ADAMTS17: variants seen among roughly 807,000 people sequenced by gnomAD.
The protein encoded by ADAMTS17 is ADAM metallopeptidase with thrombospondin type 1 motif 17.
In ADAMTS17, 113 loss-of-function variants were observed where a neutral mutation model predicts 141.5. The ratio of observed to expected loss-of-function variants is 0.80; its 90% CI spans 0.69 to 0.93. ADAMTS17 has a LOEUF of 0.93. Among genes scored for constraint, ADAMTS17 ranks in the 40% least tolerant of loss-of-function variants. ADAMTS17 has a pLI of 0.00. For synonymous variants in ADAMTS17, 768 were observed against 630.6 expected (o/e 1.22, Z -3.27); for missense variants, 1,659 against 1,517.9 (o/e 1.09, Z -1.54).
chr15:100,284,104 TAAACAAACAAAC>T lies in ADAMTS17; in HGVS notation c.617-2715_617-2704del, dbSNP rs150137293. Among the ~76,000 whole-genome samples the T allele has an allele frequency of 3.5e-4, 53 of 151,428 alleles. No homozygotes were observed. In the South Asian group the frequency reaches 4.4e-3, roughly 13 times the overall value. On this transcript the variant is annotated intron_variant, in intron 3 of 21. Transcript: ENST00000268070. Reference sequence around the variant, plus strand: ...TGGGCGACAGAGCAAGATTCCATCTTAAACAAACAAACAAACAAACAAACAAACAAAAAATCC... The same window carrying T: ...TGGGCGACAGAGCAAGATTCCATCTTAAACAAACAAACAAACAAAAAATCC...
At chr15:100,316,550 G>A (rs2045572400) in intron 3 of ADAMTS17, among the ~76,000 whole-genome samples, 2 of 152,016 alleles carry the variant, frequency 1.3e-5, no homozygotes, top group African/African-American at 4.8e-5. Context: ...ATTTTCCTCT[G>A]CCCTGTCTCT....
At chr15:100,147,442 C>T (rs557393653) in intron 10 of ADAMTS17, among the ~76,000 whole-genome samples, 1 of 152,288 alleles carries the variant, frequency 6.6e-6, no homozygotes, top group African/African-American at 2.4e-5. Context: ...GTGGTGTAGC[C>T]TATTGCTCCT....
chr15:100,116,814 G>T (rs750358964), intron 13 of ADAMTS17, 33 bp downstream of exon 13: 2 of 1,613,736 alleles, frequency 1.2e-6, no homozygotes, highest in African/African-American at 2.7e-5. Context: ...AGGACAGGAG[G>T]CTGCCATGCA....
At chr15:100,032,749 A>G (rs2622530) in intron 18 of ADAMTS17, among the ~76,000 whole-genome samples, 29,642 of 152,218 alleles carry the variant, frequency 0.19, 8,407 homozygotes, top group African/African-American at 0.63. Flanking sequence ...ATTGTTTTGC[A>G]TTCTGTTACC....
chr15:100,230,426 G>A (rs1424756304), intron 7 of ADAMTS17, among the ~76,000 whole-genome samples: 1 of 152,172 alleles, frequency 6.6e-6, no homozygotes, highest in Non-Finnish European at 1.5e-5. Flanking sequence ...CCATGCCATA[G>A]ACACACGAGC....
At chr15:100,171,071 G>A (rs2040141487) in intron 8 of ADAMTS17, among the ~76,000 whole-genome samples, 2 of 152,078 alleles carry the variant, frequency 1.3e-5, no homozygotes, top group Admixed American at 1.3e-4. Flanking sequence ...ATTTTAATGG[G>A]CAGTAGGAAC....
intron 10 of ADAMTS17, among the ~76,000 whole-genome samples, chr15:100,147,678 C>A (rs1325328323): frequency 1.3e-5 from 2 of 152,204 alleles, no homozygotes; most frequent in Non-Finnish European, 2.9e-5. Context: ...CATGATGAGG[C>A]GTATGACTGT....
chr15:100,052,408 A>G (rs1321791812), intron 16 of ADAMTS17, among the ~76,000 whole-genome samples: 1 of 152,254 alleles, frequency 6.6e-6, no homozygotes, highest in African/African-American at 2.4e-5. Flanking sequence ...TTTGAAAGAA[A>G]AGCCATCAAT....
chr15:100,207,344 C>A (rs1437252842), intron 7 of ADAMTS17, among the ~76,000 whole-genome samples: 1 of 152,154 alleles, frequency 6.6e-6, no homozygotes, highest in Non-Finnish European at 1.5e-5. Flanking sequence ...AGCTTCCAGA[C>A]CCATAAGGAA....
At chr15:100,224,797 CG>C (rs1407541652) in intron 7 of ADAMTS17, among the ~76,000 whole-genome samples, 1 of 152,240 alleles carries the variant, frequency 6.6e-6, no homozygotes, top group Non-Finnish European at 1.5e-5. Context: ...AGAGAGCCTC[CG>C]GGGCCAACCC....
At chr15:100,010,285 C>T (rs1363106506) in intron 18 of ADAMTS17, among the ~76,000 whole-genome samples, 1 of 152,192 alleles carries the variant, frequency 6.6e-6, no homozygotes, top group Admixed American at 6.5e-5. Context: ...ACCCATAAAT[C>T]AGGGGCAAGA....
At chr15:100,086,405 T>C (rs1291170178) in intron 15 of ADAMTS17, among the ~76,000 whole-genome samples, 2 of 151,582 alleles carry the variant, frequency 1.3e-5, no homozygotes, top group African/African-American at 2.4e-5. Context: ...TGGGAGACTT[T>C]AACACCCCAC....
In ADAMTS17 at chr15:100,135,131, G is replaced by A. The variant is rs532952639; in HGVS notation, c.1474-1816C>T. 8.5e-5 allele frequency among the ~76,000 whole-genome samples: 13 copies of A among 152,226 alleles called. No homozygotes were observed. The South Asian group carries it at 2.5e-3, about 29-fold the overall frequency. On this transcript the variant is annotated intron_variant, in intron 10 of 21. Coordinates refer to ENST00000268070, the MANE Select transcript of ADAMTS17 (RefSeq NM_139057.4). ...AGGAAGAAGGTGGTGTCAACTGTTC[G>A]TTATGGATTTTATAGACAGGGCTTT...
intron 17 of ADAMTS17, 30 bp from the exon 18 acceptor site, chr15:100,049,022 A>ACTGTGG: frequency 6.2e-7 from 1 of 1,614,062 alleles, no homozygotes; most frequent in Non-Finnish European, 8.5e-7. Context: ...GAGCTGAGAG[A>ACTGTGG]CTGTGGCTGC....
chr15:100,131,915 G>C (rs889638801), intron 12 of ADAMTS17, 92 bp downstream of exon 12: 1 of 1,589,424 alleles, frequency 6.3e-7, no homozygotes, highest in African/African-American at 1.3e-5. Context: ...TGCTCAGCGG[G>C]AGACAGACCC....
At chr15:100,219,864 T>A (rs1016634420) in intron 7 of ADAMTS17, among the ~76,000 whole-genome samples, 2 of 152,204 alleles carry the variant, frequency 1.3e-5, no homozygotes, top group Admixed American at 6.5e-5. Flanking sequence ...TTTTCTTCCT[T>A]TAATCCTTTC....
At chr15:100,150,564 A>C (rs532652555) in intron 10 of ADAMTS17, among the ~76,000 whole-genome samples, 38 of 152,196 alleles carry the variant, frequency 2.5e-4, no homozygotes, top group Non-Finnish European at 4.9e-4. Context: ...AGTCCCCAGT[A>C]CAAGTGCCTT....
chr15:100,116,179 T>C (rs933812566), intron 13 of ADAMTS17, among the ~76,000 whole-genome samples: 1 of 132,502 alleles, frequency 7.5e-6, no homozygotes, highest in African/African-American at 3.0e-5. Flanking sequence ...CTGAAGCGGG[T>C]CCTGGGGTGT....
intron 15 of ADAMTS17, among the ~76,000 whole-genome samples, chr15:100,082,845 G>T (rs796319998): frequency 4.7e-5 from 7 of 149,624 alleles, no homozygotes; most frequent in African/African-American, 1.7e-4. Context: ...GGAGGCTGCA[G>T]CTGGGTGGTC....
Sources: gnomAD v4.1 joint callset for allele counts (sites outside exome capture counted in the v4.1 genomes callset) on GRCh38, gnomAD v4.1.1 for gene constraint, MANE v1.5 for transcripts, NCBI Gene and HGNC (gene_info 2026-07-23, HGNC 2026-07-21) for gene names.